The following LAMA3 variants were observed in gnomAD, a reference collection of about 807,000 sequenced individuals.
LAMA3 encodes laminin subunit alpha 3, also known as laminin subunit alpha-3.
LAMA3 carries 281 observed loss-of-function variants against 402.0 expected under a neutral mutation model. The ratio of observed to expected loss-of-function variants is 0.70; its 90% CI spans 0.63 to 0.77. LAMA3 has a LOEUF of 0.77. LAMA3 is among the 30% of genes least tolerant of loss of function. LAMA3 has a pLI of 0.00. For missense variants in LAMA3, 3,840 were observed against 4,215.5 expected, an observed-to-expected ratio of 0.91 and a Z score of 2.47; for synonymous variants, 1,431 against 1,558.4, an observed-to-expected ratio of 0.92 and a Z score of 1.93.
At chr18:23,748,405 G>C (rs1333886123) in intron 3 of LAMA3, among the ~76,000 whole-genome samples, 1 of 138,696 alleles carries the variant, frequency 7.2e-6, no homozygotes, top group Non-Finnish European at 1.6e-5. Flanking sequence ...TGGGCAACAG[G>C]ATGAGACTCT....
At chr18:23,742,221 A>T (rs566977406) in intron 2 of LAMA3, among the ~76,000 whole-genome samples, 1 of 152,198 alleles carries the variant, frequency 6.6e-6, no homozygotes, top group African/African-American at 2.4e-5. Context: ...GACCAATTCT[A>T]TGATGGAACA....
At chr18:23,852,992 C>A (rs558964225) in intron 32 of LAMA3, among the ~76,000 whole-genome samples, 2 of 152,080 alleles carry the variant, frequency 1.3e-5, no homozygotes, top group Non-Finnish European at 2.9e-5. Context: ...CCACAGAGAT[C>A]GCCTCATCAT....
chr18:23,953,753 T>A (rs1408613475), intron 74 of LAMA3, among the ~76,000 whole-genome samples: 1 of 152,122 alleles, frequency 6.6e-6, no homozygotes, highest in Non-Finnish European at 1.5e-5. Context: ...CCTCTTCAGG[T>A]ATTTAGTTTT....
intron 68 of LAMA3, among the ~76,000 whole-genome samples, chr18:23,942,030 T>C (rs1252444151): frequency 1.3e-5 from 2 of 152,236 alleles, no homozygotes; most frequent in Admixed American, 1.3e-4. Context: ...TTGAAGAACA[T>C]TGCCCTCAAG....
At chr18:23,757,133 T>C (rs2143656880) in intron 6 of LAMA3, among the ~76,000 whole-genome samples, 1 of 151,862 alleles carries the variant, frequency 6.6e-6, no homozygotes, top group Admixed American at 6.6e-5. Context: ...AGCCCGGAAT[T>C]AGAAGCCTAG....
At chr18:23,728,926 A>G (rs2145988276) in intron 2 of LAMA3, among the ~76,000 whole-genome samples, 1 of 151,338 alleles carries the variant, frequency 6.6e-6, no homozygotes. Flanking sequence ...AGCTACTCAG[A>G]AGGCTGAGAC....
rs117860891 is a variant in LAMA3, at chr18:23,797,625, G to A, written c.1604-12741G>A. On this transcript the variant is annotated intron_variant, in intron 12 of 74. Coordinates refer to ENST00000313654, the MANE Select transcript of LAMA3 (RefSeq NM_198129.4). ...AGCTACTCGGGAGGCTGAGGCACAA[G>A]AATTGCATGATCCCGGGAGGCAGAG... is the stretch of plus-strand genomic sequence containing the variant. Among the ~76,000 whole-genome samples the A allele has an allele frequency of 2.8e-3, 419 of 151,996 alleles. 3 individuals carry two copies. The highest frequency in any genetic ancestry group is 0.028 in the East Asian group (142 of 5,162).
intron 68 of LAMA3, among the ~76,000 whole-genome samples, chr18:23,942,942 A>G (rs1316581083): frequency 6.6e-6 from 1 of 152,100 alleles, no homozygotes; most frequent in Non-Finnish European, 1.5e-5. Context: ...TTCTTCCTTC[A>G]CAGGGAGGGT....
intron 42 of LAMA3, among the ~76,000 whole-genome samples, chr18:23,892,597 C>A (rs2080715165): frequency 6.6e-6 from 1 of 152,038 alleles, no homozygotes; most frequent in Admixed American, 6.6e-5. Context: ...AGAAGTATCA[C>A]AATATATACA....
At chr18:23,945,978 A>G (rs2082694999) in intron 69 of LAMA3, among the ~76,000 whole-genome samples, 166 bp from the exon 70 acceptor site, 1 of 152,184 alleles carries the variant, frequency 6.6e-6, no homozygotes, top group African/African-American at 2.4e-5. Flanking sequence ...TAATCTCACA[A>G]AACGATGGTG....
At chr18:23,792,541 C>G (rs920263754) in intron 12 of LAMA3, among the ~76,000 whole-genome samples, 1 of 152,244 alleles carries the variant, frequency 6.6e-6, no homozygotes, top group African/African-American at 2.4e-5. Flanking sequence ...TAGGCCTCAT[C>G]TCCCAACACT....
At chr18:23,747,884 GGTA>G in intron 2 of LAMA3, 56 bp from the exon 3 acceptor site, 1 of 975,126 alleles carries the variant, frequency 1.0e-6, no homozygotes, top group Non-Finnish European at 1.7e-6. Context: ...ACATAGAGAT[GGTA>G]GAAGCTGTGA....
intron 55 of LAMA3, 55 bp from the exon 56 acceptor site, chr18:23,912,656 A>C: frequency 6.8e-7 from 1 of 1,462,568 alleles, no homozygotes; most frequent in Non-Finnish European, 9.6e-7. Context: ...CTCTCTGAGC[A>C]CACCTACTTT....
At chr18:23,861,582 C>T in intron 34 of LAMA3, 64 bp from the exon 35 acceptor site, 1 of 1,575,172 alleles carries the variant, frequency 6.3e-7, no homozygotes, top group Non-Finnish European at 8.7e-7. Context: ...ACATCATGCA[C>T]CCATCACCCC....
At chr18:23,942,401 C>T (rs1020280195) in intron 68 of LAMA3, among the ~76,000 whole-genome samples, 1 of 152,200 alleles carries the variant, frequency 6.6e-6, no homozygotes, top group Non-Finnish European at 1.5e-5. Flanking sequence ...AAGGAAACAT[C>T]CATCGTTGCA....
intron 21 of LAMA3, 106 bp downstream of exon 21, chr18:23,824,671 T>C (rs1188234226): frequency 4.6e-6 from 6 of 1,312,940 alleles, no homozygotes; most frequent in Non-Finnish European, 6.6e-6. Context: ...TCACAATCAT[T>C]GGTGGTTTTA....
At chr18:23,801,813 A>G in intron 12 of LAMA3, among the ~76,000 whole-genome samples, 1 of 152,034 alleles carries the variant, frequency 6.6e-6, no homozygotes, top group Non-Finnish European at 1.5e-5. Flanking sequence ...ATTTTTTCGT[A>G]TACTTGTTGG....
chr18:23,869,846 A>G (rs1230218627), intron 37 of LAMA3, among the ~76,000 whole-genome samples: 1 of 152,170 alleles, frequency 6.6e-6, no homozygotes, highest in Non-Finnish European at 1.5e-5. Flanking sequence ...AGGTGGGTGG[A>G]TCACGAGGTC....
chr18:23,949,486 CCCG>C (rs982949099), intron 70 of LAMA3, among the ~76,000 whole-genome samples: 4 of 152,144 alleles, frequency 2.6e-5, no homozygotes, highest in African/African-American at 9.7e-5. Context: ...CCTGCACTAG[CCCG>C]CCCTCCTGCA....
Sources: allele counts gnomAD v4.1 joint callset (sites outside exome capture counted in the v4.1 genomes callset), GRCh38; gene constraint gnomAD v4.1.1; transcripts MANE v1.5; gene names NCBI Gene and HGNC (gene_info 2026-07-23, HGNC 2026-07-21).